Variants in COL5A1 observed in about 807,000 individuals in gnomAD.
COL5A1 encodes collagen alpha-1(V) chain.
A neutral mutation model predicts 263.7 loss-of-function variants in COL5A1; 16 were observed. That is an observed-to-expected ratio of 0.06 (90% confidence interval 0.04 to 0.09). The LOEUF (loss-of-function observed/expected upper bound fraction) is 0.09. Ranked by LOEUF, COL5A1 falls within the 10% of genes least tolerant of loss-of-function variation. COL5A1 has a pLI of 1.00. For synonymous variants in COL5A1, 1,012 were observed against 1,004.5 expected (o/e 1.01, Z -0.14); for missense variants, 2,036 against 2,540.5 (o/e 0.80, Z 4.27).
intron 29 of COL5A1, among the ~76,000 whole-genome samples, chr9:134,784,473 G>A (rs984407565): frequency 5.3e-5 from 8 of 152,214 alleles, no homozygotes; most frequent in African/African-American, 1.9e-4. Context: ...TGGACGAGGC[G>A]GAATTTAAGC....
chr9:134,810,894 G>C (rs1383112846), intron 44 of COL5A1, among the ~76,000 whole-genome samples: 2 of 152,180 alleles, frequency 1.3e-5, no homozygotes, highest in African/African-American at 4.8e-5. Flanking sequence ...TGGGCTACCA[G>C]GGCCAAGGGC....
At position 134,685,590 on chromosome 9, in the gene COL5A1, T is replaced by C. The variant is rs1564386777; in HGVS notation, c.110-5322T>C. Among the ~76,000 whole-genome samples, 7 of 117,210 alleles carry C rather than the reference T, an allele frequency of 6.0e-5. No individual in the cohort carries two copies. The South Asian group carries it at 2.0e-3, about 33-fold the overall frequency. 76.9% of individuals were successfully genotyped at this position (117,210 alleles called of 152,430 possible). ...TATTCATCCATCCATCCATCCTCCA[T>C]CCATCCATCCATCCATCATCCATCC... On this transcript the variant is annotated intron_variant, in intron 1 of 65. Coordinates refer to ENST00000371817, the MANE Select transcript of COL5A1 (RefSeq NM_000093.5).
At chr9:134,687,565 T>C (rs1400821512) in intron 1 of COL5A1, among the ~76,000 whole-genome samples, 1 of 152,138 alleles carries the variant, frequency 6.6e-6, no homozygotes, top group African/African-American at 2.4e-5. Context: ...ATCAACAAAG[T>C]TTTTGTTTCA....
chr9:134,734,061 C>T (rs1021587688), intron 9 of COL5A1, among the ~76,000 whole-genome samples: 1 of 152,104 alleles, frequency 6.6e-6, no homozygotes, highest in Non-Finnish European at 1.5e-5. Context: ...GGCTCATGTT[C>T]CCGAGTAAGC....
chr9:134,703,925 C>T (rs11103474), intron 4 of COL5A1, among the ~76,000 whole-genome samples: 61,865 of 151,862 alleles, frequency 0.41, 13,262 homozygotes, highest in Admixed American at 0.58. Flanking sequence ...AGGCGTGAGC[C>T]ACCGCGCCCG....
Position 134,789,616 on chromosome 9 carries a change from G to A in COL5A1, c.2700+408G>A, listed in dbSNP as rs1316179646. 1.3e-5 allele frequency among the ~76,000 whole-genome samples: 2 copies of A among 152,138 alleles called. No homozygotes were observed. The highest frequency in any genetic ancestry group is 2.1e-4 in the South Asian group (1 of 4,828). ...AAAAATGTCCTGCTACTTAACCGTC[G>A]TCCAAATTTAAAGTCATTTAAATTA... On this transcript the variant is annotated intron_variant, in intron 32 of 65. Coordinates refer to ENST00000371817, the MANE Select transcript of COL5A1 (RefSeq NM_000093.5). The surrounding 1 kb of genome is among the most constrained non-coding windows in gnomAD (Gnocchi z 4.8).
At chr9:134,761,146 C>T (rs889701234) in intron 18 of COL5A1, among the ~76,000 whole-genome samples, 43 of 148,828 alleles carry the variant, frequency 2.9e-4, no homozygotes, top group South Asian at 1.3e-3. Context: ...CATGCATACA[C>T]GCCACGCACA....
At chr9:134,704,599 C>T (rs1234829049) in intron 4 of COL5A1, among the ~76,000 whole-genome samples, 1 of 152,070 alleles carries the variant, frequency 6.6e-6, no homozygotes, top group Non-Finnish European at 1.5e-5. Flanking sequence ...TCGTGGAATT[C>T]GATTTGAGCC....
chr9:134,759,451 ACACT>A (rs1295781528), intron 18 of COL5A1, among the ~76,000 whole-genome samples: 18 of 111,560 alleles, frequency 1.6e-4, no homozygotes, highest in African/African-American at 3.9e-4. Flanking sequence ...CCACACCCAC[ACACT>A]CATACATGCA....
rs1434748541 is a variant in COL5A1, at chr9:134,741,492, C to T, written c.1494+2684C>T. ...AGTGACTAGGAACTCCATGGAGGAA[C>T]GAATGGAAGATTAAGGTTATCTTGG... On this transcript the variant is annotated intron_variant, in intron 11 of 65. Transcript: ENST00000371817. The surrounding 1 kb of genome is among the most constrained non-coding windows in gnomAD (Gnocchi z 4.5). Among the ~76,000 whole-genome samples the T allele has an allele frequency of 3.3e-5, 5 of 151,896 alleles. No individual in the cohort carries two copies. The highest frequency in any genetic ancestry group is 1.9e-4 in the East Asian group (1 of 5,162).
chr9:134,657,670 G>A (rs1451122560), intron 1 of COL5A1, among the ~76,000 whole-genome samples: 2 of 145,074 alleles, frequency 1.4e-5, no homozygotes, highest in Non-Finnish European at 3.0e-5. Flanking sequence ...AATATGGGGG[G>A]TGAGGGCTGT....
chr9:134,728,686 G>T lies in COL5A1; in HGVS notation c.803G>T (p.Gly268Val), dbSNP rs145552797. Residue 268 changes from glycine (G) to valine (V), a missense_variant, in exon 6 of 66, where the codon GGC (glycine) becomes GTC (valine). Physicochemically the swap from Gly to Val is moderately radical, Grantham distance 109. Around this residue, in one of 3 missense-constraint regions of COL5A1, gnomAD observed 600 missense variants for 634.5 expected, o/e 0.95. Transcript: ENST00000371817. ...CGCTTTCAGTACACGGAAGGAGACG[G>T]CGAGGGTGAGACCTATTACTACGAA... is the stretch of plus-strand genomic sequence containing the variant. ...NPDEYYTEGDGEGETYYYEYP... is the reference protein window; with the variant it reads ...NPDEYYTEGDVEGETYYYEYP... The T allele has an allele frequency of 2.0e-5, 33 of 1,614,046 alleles. No homozygotes were observed. The African/African-American group carries it at 4.4e-4, about 22-fold the overall frequency.
chr9:134,814,770 G>A, intron 49 of COL5A1, 27 bp from the exon 50 acceptor site: 1 of 1,525,736 alleles, frequency 6.6e-7, no homozygotes, highest in East Asian at 2.5e-5. Flanking sequence ...TGGCTCTGAG[G>A]ACTTGACACT....
chr9:134,752,643 G>T lies in COL5A1; in HGVS notation c.1717G>T (p.Val573Leu). 6.2e-7 allele frequency: 1 copy of T among 1,612,380 alleles called. No homozygotes were observed. Among genetic ancestry groups the T allele is most frequent in the South Asian group, 1.1e-5 (1 of 91,030 alleles). The change falls in exon 14 of 66, where the codon GTG becomes TTG. Residue 573 changes from valine to leucine, a missense_variant and splice_region_variant. Val to Leu is a conservative substitution (Grantham distance 32). This residue lies in a region of COL5A1 where 1,078 missense variants were observed against 1,521.4 expected (regional missense o/e 0.71). Transcript: ENST00000371817. ...GGGTCTCACAGGGAGACCTGGCCCT[G>T]TGGTAAGTCATTGGCAAATCTGAGA... ...PMGLTGRPGP[V>L]GPPGSGGLKG...
intron 63 of COL5A1, 96 bp from the exon 64 acceptor site, chr9:134,829,880 G>GGGGGCCGGGAAAGCCT (rs1839526658): frequency 5.8e-6 from 8 of 1,382,282 alleles, no homozygotes; most frequent in Non-Finnish European, 8.1e-6. Context: ...ATGCAGGCGC[G>GGGGGCCGGGAAAGCCT]GGGGCCGGGA....
intron 32 of COL5A1, among the ~76,000 whole-genome samples, chr9:134,792,669 G>C (rs1837738073): frequency 1.3e-5 from 2 of 152,160 alleles, no homozygotes; most frequent in African/African-American, 2.4e-5. Flanking sequence ...CCGGCCCAGA[G>C]AGGTCTTTTA....
intron 1 of COL5A1, among the ~76,000 whole-genome samples, chr9:134,645,286 G>GGTGCTGCCC (rs1461704325): frequency 6.6e-6 from 1 of 152,196 alleles, no homozygotes; most frequent in Non-Finnish European, 1.5e-5. Context: ...GAACACAGCT[G>GGTGCTGCCC]GTGCTGCCCG....
Position 134,652,133 on chromosome 9 carries a change from A to G in COL5A1, c.109+9837A>G, listed in dbSNP as rs1831710115. Among the ~76,000 whole-genome samples, 1 of 152,116 alleles carries G rather than the reference A, an allele frequency of 6.6e-6. No homozygotes were observed. The highest frequency in any genetic ancestry group is 6.5e-5 in the Admixed American group (1 of 15,268). ...GGCGTTCTCGAGGGAAGGGTAGGGA[A>G]CGATTTCTGACTGCGATTGTAAGAG... On this transcript the variant is annotated intron_variant, in intron 1 of 65. Transcript: ENST00000371817. The surrounding 1 kb of genome is among the most constrained non-coding windows in gnomAD (Gnocchi z 4.4).
At chr9:134,659,423 G>A (rs1287223602) in intron 1 of COL5A1, among the ~76,000 whole-genome samples, 1 of 152,116 alleles carries the variant, frequency 6.6e-6, no homozygotes. Context: ...AAAAGCCTTT[G>A]AGTTGTGGGC....
Sources: allele counts gnomAD v4.1 joint callset (sites outside exome capture counted in the v4.1 genomes callset), GRCh38; gene constraint gnomAD v4.1.1; regional missense constraint gnomAD v4.1.1; non-coding constraint Gnocchi (gnomAD v3.1); transcripts MANE v1.5; gene names NCBI Gene and HGNC (gene_info 2026-07-23, HGNC 2026-07-21).